SLC24A4: variants seen among roughly 807,000 people sequenced by gnomAD.
The protein encoded by SLC24A4 is solute carrier family 24 member 4, also known as sodium/potassium/calcium exchanger 4.
SLC24A4 carries 53 observed loss-of-function variants against 79.0 expected under a neutral mutation model. The ratio of observed to expected loss-of-function variants is 0.67; its 90% confidence interval spans 0.54 to 0.84. The LOEUF (loss-of-function observed/expected upper bound fraction) is 0.84. Ranked by LOEUF, SLC24A4 falls within the 40% of genes least tolerant of loss-of-function variation. The pLI, the probability that SLC24A4 is intolerant of heterozygous loss-of-function variation, is 0.00. For synonymous variants in SLC24A4, 323 were observed against 323.8 expected (o/e 1.00, Z 0.03); for missense variants, 731 against 822.0 (o/e 0.89, Z 1.35).
At chr14:92,467,368 A>T (rs1894181816) in intron 12 of SLC24A4, among the ~76,000 whole-genome samples, 1 of 152,236 alleles carries the variant, frequency 6.6e-6, no homozygotes, top group Non-Finnish European at 1.5e-5. Context: ...CTTGATGAAG[A>T]CACACTCACA....
rs570774935 is a variant in SLC24A4 at position 92,490,405 on chromosome 14, T to A, written c.1538-1260T>A. Reference sequence around the variant, plus strand: ...TGTGGCTAGCTGGATACTGGACAGCTGGACAGGAAGGGGAAGGACGAGGAC... The same window carrying A: ...TGTGGCTAGCTGGATACTGGACAGCAGGACAGGAAGGGGAAGGACGAGGAC... On this transcript the variant is annotated intron_variant, in intron 14 of 16. Transcript: ENST00000532405. The surrounding 1 kb of genome is among the most constrained non-coding windows in gnomAD (Gnocchi z 4.3). Among the ~76,000 whole-genome samples the A allele has an allele frequency of 1.2e-4, 18 of 152,308 alleles. No individual in the cohort carries two copies. In the South Asian group the frequency reaches 3.5e-3, roughly 30 times the overall value.
At chr14:92,354,028 G>A (rs1219558693) in intron 2 of SLC24A4, among the ~76,000 whole-genome samples, 1 of 152,218 alleles carries the variant, frequency 6.6e-6, no homozygotes, top group Non-Finnish European at 1.5e-5. Context: ...CCTCCCATGA[G>A]GGTGGCCAAA....
At chr14:92,346,516 T>G (rs183408271) in intron 2 of SLC24A4, among the ~76,000 whole-genome samples, 34 of 152,330 alleles carry the variant, frequency 2.2e-4, no homozygotes, top group Non-Finnish European at 4.3e-4. Context: ...GGATGAGATC[T>G]GAGGTCATAA....
chr14:92,396,477 T>G (rs959400452), intron 2 of SLC24A4, among the ~76,000 whole-genome samples: 1 of 152,148 alleles, frequency 6.6e-6, no homozygotes, highest in African/African-American at 2.4e-5. Flanking sequence ...AAAAGATAAA[T>G]TTTAAAAATA....
chr14:92,362,766 C>G (rs1284255294), intron 2 of SLC24A4, among the ~76,000 whole-genome samples: 1 of 152,262 alleles, frequency 6.6e-6, no homozygotes, highest in Non-Finnish European at 1.5e-5. Context: ...GTCTACAGTG[C>G]TTTTCTGGTG....
chr14:92,363,771 AGTGAGCTGAGATCG>A (rs1346095720), intron 2 of SLC24A4, among the ~76,000 whole-genome samples: 1 of 152,066 alleles, frequency 6.6e-6, no homozygotes, highest in Non-Finnish European at 1.5e-5. Flanking sequence ...TGCAGGTTGC[AGTGAGCTGAGATCG>A]CGCCACTGTA....
At chr14:92,440,364 G>A (rs1284688694) in intron 4 of SLC24A4, among the ~76,000 whole-genome samples, 1 of 152,188 alleles carries the variant, frequency 6.6e-6, no homozygotes, top group Non-Finnish European at 1.5e-5. Flanking sequence ...AATGCCCACT[G>A]GGATGATCGT....
intron 2 of SLC24A4, among the ~76,000 whole-genome samples, chr14:92,362,925 C>T (rs891383822): frequency 1.3e-4 from 20 of 152,232 alleles, no homozygotes; most frequent in African/African-American, 3.9e-4. Context: ...GACGCCATGC[C>T]GGCAGGTGGC....
chr14:92,360,202 A>G lies in SLC24A4; in HGVS notation c.241+34224A>G, dbSNP rs181902088. 3.6e-4 allele frequency among the ~76,000 whole-genome samples: 55 copies of G among 152,362 alleles called. No individual in the cohort carries two copies. In the East Asian group the frequency reaches 0.01, roughly 28 times the overall value. On this transcript the variant is annotated intron_variant, in intron 2 of 16. Transcript: ENST00000532405. ...CTCCCAAAGTGCTGAGATTACAGGC[A>G]TGAGCCACTGCGCCTAGCCTGTGTT...
intron 2 of SLC24A4, among the ~76,000 whole-genome samples, chr14:92,418,115 G>C (rs1891080957): frequency 6.6e-6 from 1 of 152,190 alleles, no homozygotes; most frequent in African/African-American, 2.4e-5. Context: ...CTAAATCCTG[G>C]CCTGAGACTT....
chr14:92,327,767 T>G (rs1266742597), intron 2 of SLC24A4, among the ~76,000 whole-genome samples: 2 of 152,202 alleles, frequency 1.3e-5, no homozygotes, highest in African/African-American at 4.8e-5. Flanking sequence ...TGATTAAAAA[T>G]CATTCAATTA....
At chr14:92,383,010 TC>T (rs1566729163) in intron 2 of SLC24A4, among the ~76,000 whole-genome samples, 1 of 152,190 alleles carries the variant, frequency 6.6e-6, no homozygotes, top group East Asian at 1.9e-4. Flanking sequence ...CAGCTTCAGT[TC>T]CTGATGCCCC....
At position 92,442,072 on chromosome 14, in the gene SLC24A4, G is replaced by A; in HGVS notation, c.394-17G>A. On this transcript the variant is annotated splice_polypyrimidine_tract_variant and intron_variant, in intron 4 of 16. Transcript: ENST00000532405. ...CCCACGTCACACCCTGAGGGTCTGT[G>A]GTCACTTCCGTTTCAGAGACTCCAT... The A allele has an allele frequency of 6.2e-7, 1 of 1,609,216 alleles. No homozygotes were observed. Among genetic ancestry groups the A allele is most frequent in the Non-Finnish European group, 8.5e-7 (1 of 1,175,900 alleles).
At chr14:92,469,610 T>A (rs548622671) in intron 12 of SLC24A4, among the ~76,000 whole-genome samples, 1 of 152,256 alleles carries the variant, frequency 6.6e-6, no homozygotes, top group East Asian at 1.9e-4. Flanking sequence ...TGCAAACTTA[T>A]ACACAAGAGT....
chr14:92,479,518 T>C (rs969289354), intron 12 of SLC24A4, among the ~76,000 whole-genome samples: 1 of 152,262 alleles, frequency 6.6e-6, no homozygotes, highest in African/African-American at 2.4e-5. Context: ...GATTGAATTG[T>C]ATATGTTAAA....
At chr14:92,417,145 C>G (rs1007932936) in intron 2 of SLC24A4, among the ~76,000 whole-genome samples, 8 of 152,132 alleles carry the variant, frequency 5.3e-5, no homozygotes, top group African/African-American at 1.9e-4. Context: ...GGACCATGTA[C>G]AGTCATGCAC....
At chr14:92,475,703 G>A (rs1013029814) in intron 12 of SLC24A4, among the ~76,000 whole-genome samples, 4 of 152,250 alleles carry the variant, frequency 2.6e-5, no homozygotes, top group East Asian at 1.9e-4. Context: ...AGACCAGCAC[G>A]AGCACCATGG....
chr14:92,456,239 A>G (rs891613808), intron 11 of SLC24A4, among the ~76,000 whole-genome samples, 165 bp from the exon 12 acceptor site: 2 of 152,252 alleles, frequency 1.3e-5, no homozygotes, highest in African/African-American at 2.4e-5. Context: ...GACCAAACAT[A>G]GAAGGATTCC....
At chr14:92,384,669 G>T (rs1889049424) in intron 2 of SLC24A4, among the ~76,000 whole-genome samples, 1 of 152,272 alleles carries the variant, frequency 6.6e-6, no homozygotes, top group South Asian at 2.1e-4. Context: ...AGCAGGACTT[G>T]GAAGATACTG....
Sources: allele counts gnomAD v4.1 joint callset (sites outside exome capture counted in the v4.1 genomes callset), GRCh38; gene constraint gnomAD v4.1.1; non-coding constraint Gnocchi (gnomAD v3.1); transcripts MANE v1.5; gene names NCBI Gene and HGNC (gene_info 2026-07-23, HGNC 2026-07-21).